The following EFCAB6 variants were observed in gnomAD, a reference collection of about 807,000 sequenced individuals.
EFCAB6 encodes the protein EF-hand calcium binding domain 6.
In EFCAB6, 156 loss-of-function variants were observed where a neutral mutation model predicts 169.8. The observed-to-expected ratio is 0.92, with a 90% confidence interval of 0.81 to 1.05. The LOEUF (loss-of-function observed/expected upper bound fraction) is 1.05. Among genes scored for constraint, EFCAB6 ranks in the 50% least tolerant of loss-of-function variants. The probability of loss-of-function intolerance (pLI) is 0.00; values close to 1 mark genes in which losing one functional copy is unlikely to be tolerated. For missense variants in EFCAB6, 1,800 were observed against 1,829.1 expected, an observed-to-expected ratio of 0.98 and a Z score of 0.29; for synonymous variants, 698 against 676.4, an observed-to-expected ratio of 1.03 and a Z score of -0.50.
rs191195858 is a variant in EFCAB6 at position 43,629,817 on chromosome 22, C to A, written c.2232+2288G>T. ...TGAGGGGGTGAGGGGTCTTGTGGGCCGGCCAGGCGGGAGCAGGATGTATCC... is the reference window on the plus strand; with the variant it reads ...TGAGGGGGTGAGGGGTCTTGTGGGCAGGCCAGGCGGGAGCAGGATGTATCC... On this transcript the variant is annotated intron_variant, in intron 19 of 31. Transcript: ENST00000262726. Among the ~76,000 whole-genome samples, 3 of 151,976 alleles carry A rather than the reference C, an allele frequency of 2.0e-5. No homozygotes were observed. The East Asian group carries it at 5.8e-4, about 29-fold the overall frequency.
chr22:43,654,972 G>A (rs924061036), intron 17 of EFCAB6, among the ~76,000 whole-genome samples: 2 of 152,114 alleles, frequency 1.3e-5, no homozygotes, highest in African/African-American at 4.8e-5. Flanking sequence ...TAAAATACAT[G>A]TGAGGCCAGG....
chr22:43,744,316 A>G lies in EFCAB6; in HGVS notation c.508-8323T>C, dbSNP rs546103908. 3.3e-5 allele frequency among the ~76,000 whole-genome samples: 5 copies of G among 152,220 alleles called. No individual in the cohort carries two copies. The highest frequency in any genetic ancestry group is 1.3e-4 in the Admixed American group (2 of 15,300). On this transcript the variant is annotated intron_variant, in intron 6 of 31. Coordinates refer to ENST00000262726, the MANE Select transcript of EFCAB6 (RefSeq NM_022785.4). The surrounding 1 kb of genome is among the most constrained non-coding windows in gnomAD (Gnocchi z 4.3). ...TTGCAAGCCAAGACAATCCTTGTAG[A>G]GACAGGACAGGAACCTGCAAAAAGG... is the stretch of plus-strand genomic sequence containing the variant.
chr22:43,655,192 G>A (rs1459017071), intron 17 of EFCAB6, among the ~76,000 whole-genome samples: 1 of 152,156 alleles, frequency 6.6e-6, no homozygotes, highest in Non-Finnish European at 1.5e-5. Flanking sequence ...GGGAGGCGGA[G>A]GTTGCAGTGA....
intron 2 of EFCAB6, among the ~76,000 whole-genome samples, chr22:43,800,635 A>AT (rs35404992): frequency 2.0e-5 from 3 of 152,222 alleles, no homozygotes; most frequent in African/African-American, 7.2e-5. Context: ...ATTGAGATAA[A>AT]TTTTTTAAAA....
intron 8 of EFCAB6, among the ~76,000 whole-genome samples, chr22:43,718,017 T>C (rs147248264): frequency 7.7e-4 from 117 of 151,176 alleles, no homozygotes; most frequent in Non-Finnish European, 1.4e-3. Flanking sequence ...AATTTCATTT[T>C]AACACTTATT....
chr22:43,670,863 CCAGCAGCAG>C lies in EFCAB6; in HGVS notation c.1640+1101_1640+1109del, dbSNP rs754391057. 9.9e-5 allele frequency among the ~76,000 whole-genome samples: 15 copies of C among 151,914 alleles called. No individual in the cohort carries two copies. In the South Asian group the frequency reaches 1.7e-3, roughly 17 times the overall value. On this transcript the variant is annotated intron_variant, in intron 15 of 31. Transcript: ENST00000262726. ...CAGGTCAACATAGCTGGAGCTGAGACCAGCAGCAGCAGCAGCAGCAGCGGCAGCAACAAA... is the reference window on the plus strand; with the variant it reads ...CAGGTCAACATAGCTGGAGCTGAGACCAGCAGCAGCAGCGGCAGCAACAAA...
chr22:43,674,075 A>C (rs777127031), intron 13 of EFCAB6, among the ~76,000 whole-genome samples: 1 of 152,184 alleles, frequency 6.6e-6, no homozygotes, highest in African/African-American at 2.4e-5. Context: ...AAATATGTAC[A>C]GTTTTTGAAT....
chr22:43,729,590 G>C (rs2059861699), intron 8 of EFCAB6, among the ~76,000 whole-genome samples: 1 of 152,028 alleles, frequency 6.6e-6, no homozygotes, highest in Admixed American at 6.5e-5. Context: ...AGGAAGGAGA[G>C]GAACATAATG....
chr22:43,783,051 C>CT (rs2061887120), intron 2 of EFCAB6, among the ~76,000 whole-genome samples: 1 of 152,256 alleles, frequency 6.6e-6, no homozygotes, highest in Admixed American at 6.5e-5. Flanking sequence ...GGCTGGAGCT[C>CT]TGTCAAAGCC....
At chr22:43,801,776 C>T (rs2062726653) in intron 2 of EFCAB6, among the ~76,000 whole-genome samples, 1 of 151,998 alleles carries the variant, frequency 6.6e-6, no homozygotes, top group African/African-American at 2.4e-5. Context: ...GAAAATCAAC[C>T]ACAAGGGAAG....
At chr22:43,691,709 A>G (rs2147188494) in intron 10 of EFCAB6, among the ~76,000 whole-genome samples, 1 of 152,344 alleles carries the variant, frequency 6.6e-6, no homozygotes, top group African/African-American at 2.4e-5. Flanking sequence ...TTAAAGCATA[A>G]AGTGCTTATA....
chr22:43,579,759 C>T (rs888388761), intron 25 of EFCAB6, among the ~76,000 whole-genome samples: 4 of 151,024 alleles, frequency 2.6e-5, no homozygotes, highest in East Asian at 2.0e-4. Context: ...GGCATCATTC[C>T]GTACACGCAG....
chr22:43,536,880 C>T (rs541569870), intron 29 of EFCAB6: 4 of 152,698 alleles, frequency 2.6e-5, no homozygotes, highest in African/African-American at 9.6e-5. Context: ...AACAAAACAA[C>T]AAAAAACAAA....
intron 6 of EFCAB6, among the ~76,000 whole-genome samples, chr22:43,754,549 C>T (rs1220873486): frequency 6.6e-6 from 1 of 152,166 alleles, no homozygotes; most frequent in African/African-American, 2.4e-5. Context: ...ATGAAAACTG[C>T]CTGGGTTTCA....
At position 43,744,590 on chromosome 22, in the gene EFCAB6, C is replaced by G. The variant is rs1211561483; in HGVS notation, c.508-8597G>C. The stretch of plus-strand genomic sequence containing the variant: ...TCATCAGGGAAGGGGACCCAAGCAG[C>G]CAAAGGAAGTGAGCTGGACCACCAG... On this transcript the variant is annotated intron_variant, in intron 6 of 31. Coordinates refer to ENST00000262726, the MANE Select transcript of EFCAB6 (RefSeq NM_022785.4). This position sits in a 1 kb window ranked among gnomAD's most constrained non-coding sequence, Gnocchi z 4.3. Among the ~76,000 whole-genome samples the G allele has an allele frequency of 1.3e-5, 2 of 152,070 alleles. No homozygotes were observed. Among genetic ancestry groups the G allele is most frequent in the Non-Finnish European group, 2.9e-5 (2 of 68,020 alleles).
chr22:43,639,784 CT>C (rs1178875364), intron 17 of EFCAB6, among the ~76,000 whole-genome samples: 1 of 152,004 alleles, frequency 6.6e-6, no homozygotes, highest in Non-Finnish European at 1.5e-5. Flanking sequence ...TATGTTAGAC[CT>C]TTTGATATTG....
intron 19 of EFCAB6, 134 bp downstream of exon 19, chr22:43,631,971 C>A (rs1461493104): frequency 1.5e-6 from 2 of 1,312,314 alleles, no homozygotes; most frequent in Non-Finnish European, 2.1e-6. Flanking sequence ...AATGCTGGGT[C>A]TGCAGAGGGA....
intron 3 of EFCAB6, 95 bp from the exon 4 acceptor site, chr22:43,773,198 T>C (rs958351986): frequency 9.8e-6 from 12 of 1,220,600 alleles, no homozygotes; most frequent in Non-Finnish European, 1.3e-5. Context: ...GAAAACTTAT[T>C]AGATGGTATT....
intron 26 of EFCAB6, among the ~76,000 whole-genome samples, chr22:43,576,026 CT>C (rs1423359557): frequency 6.6e-6 from 1 of 152,148 alleles, no homozygotes; most frequent in Non-Finnish European, 1.5e-5. Flanking sequence ...TCTAAGACTC[CT>C]TAGAATGCTA....
Sources: allele counts gnomAD v4.1 joint callset (sites outside exome capture counted in the v4.1 genomes callset), GRCh38; gene constraint gnomAD v4.1.1; non-coding constraint Gnocchi (gnomAD v3.1); transcripts MANE v1.5; gene names NCBI Gene and HGNC (gene_info 2026-07-23, HGNC 2026-07-21).